SIPA1L2: variants seen among roughly 807,000 people sequenced by gnomAD.
The protein encoded by SIPA1L2 is signal induced proliferation associated 1 like 2.
In SIPA1L2, 56 loss-of-function variants were observed where a neutral mutation model predicts 163.9. The ratio of observed to expected loss-of-function variants is 0.34; its 90% confidence interval spans 0.28 to 0.43. SIPA1L2 has a LOEUF of 0.43. Among genes scored for constraint, SIPA1L2 ranks in the 20% least tolerant of loss-of-function variants. SIPA1L2 has a pLI of 1.00. For missense variants in SIPA1L2, 1,974 were observed against 2,193.5 expected, an observed-to-expected ratio of 0.90 and a Z score of 2.00; for synonymous variants, 877 against 865.7, an observed-to-expected ratio of 1.01 and a Z score of -0.23.
At chr1:232,507,763 C>T (rs1558231154) in intron 3 of SIPA1L2, among the ~76,000 whole-genome samples, 1 of 152,188 alleles carries the variant, frequency 6.6e-6, no homozygotes, top group African/African-American at 2.4e-5. Flanking sequence ...AAATACCTGG[C>T]ATCTCCTCAT....
At chr1:232,464,668 T>C (rs1664414043) in intron 9 of SIPA1L2, among the ~76,000 whole-genome samples, 172 bp downstream of exon 9, 1 of 152,232 alleles carries the variant, frequency 6.6e-6, no homozygotes, top group Non-Finnish European at 1.5e-5. Context: ...CATTCATGTA[T>C]TCAACAACTC....
intron 2 of SIPA1L2, among the ~76,000 whole-genome samples, chr1:232,553,674 CCT>C (rs1658535661): frequency 6.6e-6 from 1 of 152,108 alleles, no homozygotes; most frequent in African/African-American, 2.4e-5. Flanking sequence ...TACTCTTACC[CCT>C]GAGCGTCCAT....
At chr1:232,621,243 G>A (rs1662793323) in intron 1 of SIPA1L2, among the ~76,000 whole-genome samples, 1 of 152,160 alleles carries the variant, frequency 6.6e-6, no homozygotes, top group African/African-American at 2.4e-5. Context: ...AGAGAACAGG[G>A]CAGTTTTTAG....
intron 2 of SIPA1L2, among the ~76,000 whole-genome samples, chr1:232,572,890 T>A (rs908014249): frequency 6.6e-6 from 1 of 151,842 alleles, no homozygotes; most frequent in East Asian, 1.9e-4. Flanking sequence ...GTGATTCTCC[T>A]GCCTCAGCCT....
chr1:232,510,658 T>C (rs1329478859), intron 3 of SIPA1L2, among the ~76,000 whole-genome samples: 3 of 152,072 alleles, frequency 2.0e-5, no homozygotes, highest in Admixed American at 1.3e-4. Flanking sequence ...GAAGTGACAG[T>C]TGAGAATTCA....
intron 3 of SIPA1L2, among the ~76,000 whole-genome samples, chr1:232,497,026 TAGAG>T (rs1344812827): frequency 2.6e-5 from 4 of 152,310 alleles, no homozygotes; most frequent in Admixed American, 1.3e-4. Flanking sequence ...TATGGTAAGA[TAGAG>T]AGCCCCAGAT....
intron 8 of SIPA1L2, among the ~76,000 whole-genome samples, chr1:232,466,005 A>C (rs902718011): frequency 1.1e-4 from 16 of 152,004 alleles, no homozygotes; most frequent in Admixed American, 6.6e-5. Flanking sequence ...AACTCTGAGA[A>C]AATAAAAGTC....
intron 5 of SIPA1L2, among the ~76,000 whole-genome samples, chr1:232,488,845 A>G (rs1665780665): frequency 6.6e-6 from 1 of 152,230 alleles, no homozygotes; most frequent in Non-Finnish European, 1.5e-5. Flanking sequence ...GGGGCCATCA[A>G]AAGTTTTCCA....
chr1:232,552,217 C>G (rs1334406), intron 2 of SIPA1L2, among the ~76,000 whole-genome samples: 55,494 of 151,854 alleles, frequency 0.37, 11,388 homozygotes, highest in East Asian at 0.76. Context: ...CAAAGAGCAA[C>G]CGGTGATTAA....
chr1:232,417,106 C>T (rs555796723), intron 18 of SIPA1L2, among the ~76,000 whole-genome samples: 3 of 152,254 alleles, frequency 2.0e-5, no homozygotes, highest in East Asian at 1.9e-4. Context: ...AGTAAGGGGG[C>T]ATAATTAACC....
At chr1:232,546,960 G>A (rs1658066018) in intron 2 of SIPA1L2, among the ~76,000 whole-genome samples, 1 of 152,114 alleles carries the variant, frequency 6.6e-6, no homozygotes, top group Non-Finnish European at 1.5e-5. Flanking sequence ...AGGAGCGGCT[G>A]GCAAAATTAA....
At chr1:232,493,745 T>C in intron 3 of SIPA1L2, 85 bp from the exon 4 acceptor site, 2 of 1,523,172 alleles carry the variant, frequency 1.3e-6, no homozygotes, top group Non-Finnish European at 1.8e-6. Flanking sequence ...GTGTATCAAA[T>C]CTCTGAAGAA....
intron 2 of SIPA1L2, among the ~76,000 whole-genome samples, chr1:232,536,287 T>C (rs910073122): frequency 4.6e-5 from 7 of 152,222 alleles, no homozygotes; most frequent in South Asian, 2.1e-4. Context: ...TCAGTAACCA[T>C]GAAGCAGAAT....
chr1:232,545,700 T>C (rs1036651419), intron 2 of SIPA1L2, among the ~76,000 whole-genome samples: 2 of 152,254 alleles, frequency 1.3e-5, no homozygotes, highest in East Asian at 1.9e-4. Context: ...CCGTTTGATA[T>C]ACACAGCCTT....
In SIPA1L2 at chr1:232,580,137, A is replaced by G. The variant is rs150007656; in HGVS notation, c.-318-5915T>C. Among the ~76,000 whole-genome samples the G allele has an allele frequency of 6.5e-3, 985 of 152,334 alleles. 21 individuals carry two copies. Among genetic ancestry groups the G allele is most frequent in the Admixed American group, 0.029 (449 of 15,306 alleles). Reference sequence around the variant, plus strand: ...TCATGAGTTTTCCAGGAAAGGGGCAAGCAATCCAAGAAGTCACAGTTCCTC... The same window carrying G: ...TCATGAGTTTTCCAGGAAAGGGGCAGGCAATCCAAGAAGTCACAGTTCCTC... On this transcript the variant is annotated intron_variant, in intron 1 of 22. Coordinates refer to ENST00000674635, the MANE Select transcript of SIPA1L2 (RefSeq NM_020808.5).
At chr1:232,414,411 T>C (rs565046737) in intron 19 of SIPA1L2, among the ~76,000 whole-genome samples, 9 of 152,170 alleles carry the variant, frequency 5.9e-5, no homozygotes, top group Middle Eastern at 3.4e-3. Flanking sequence ...ACCTTCCGCA[T>C]TTTGACTTCA....
At chr1:232,415,147 C>T (rs1661173136) in intron 19 of SIPA1L2, among the ~76,000 whole-genome samples, 2 of 152,244 alleles carry the variant, frequency 1.3e-5, no homozygotes, top group Non-Finnish European at 1.5e-5. Context: ...CCACATTATA[C>T]CTCAGTATGC....
chr1:232,556,315 C>T (rs1481747184), intron 2 of SIPA1L2, among the ~76,000 whole-genome samples: 1 of 152,184 alleles, frequency 6.6e-6, no homozygotes, highest in Non-Finnish European at 1.5e-5. Context: ...TCTGTTGTTG[C>T]TGCTGCTGCT....
At chr1:232,572,759 ATATATATATATATATATATATTTATT>A (rs1238146938) in intron 2 of SIPA1L2, among the ~76,000 whole-genome samples, 1 of 89,726 alleles carries the variant, frequency 1.1e-5, no homozygotes, top group Non-Finnish European at 2.4e-5. Context: ...ATATATATAT[ATATATATATATATATATATATTTATT>A]TATTTATTTT....
Sources: gnomAD v4.1 joint callset for allele counts (sites outside exome capture counted in the v4.1 genomes callset) on GRCh38, gnomAD v4.1.1 for gene constraint, MANE v1.5 for transcripts, NCBI Gene and HGNC (gene_info 2026-07-23, HGNC 2026-07-21) for gene names.